RORA: variants seen among roughly 807,000 people sequenced by gnomAD.
The protein encoded by RORA is nuclear receptor ROR-alpha.
In RORA, 7 loss-of-function variants were observed where a neutral mutation model predicts 69.5. The observed-to-expected ratio is 0.10, with a 90% CI of 0.06 to 0.19. The LOEUF is 0.19. Ranked by LOEUF, RORA falls within the 10% of genes least tolerant of loss-of-function variation. RORA has a pLI of 1.00. For synonymous variants in RORA, 261 were observed against 240.8 expected (o/e 1.08, Z -0.78); for missense variants, 457 against 663.0 (o/e 0.69, Z 3.41).
intron 5 of RORA, among the ~76,000 whole-genome samples, chr15:60,510,790 A>G (rs540822391): frequency 6.6e-6 from 1 of 152,288 alleles, no homozygotes; most frequent in South Asian, 2.1e-4. Context: ...AAATTTAAAT[A>G]TTAGCAACTG....
chr15:60,677,278 C>A, intron 2 of RORA: 1 of 443,382 alleles, frequency 2.3e-6, no homozygotes, highest in Non-Finnish European at 4.6e-6. Context: ...GTCAATCTCT[C>A]AGTCATCATG....
intron 1 of RORA, among the ~76,000 whole-genome samples, chr15:61,187,357 C>T (rs765959891): frequency 2.2e-4 from 33 of 152,198 alleles, no homozygotes; most frequent in Non-Finnish European, 3.5e-4. Flanking sequence ...TGCAGAGTTC[C>T]GGACTATTAA....
intron 1 of RORA, among the ~76,000 whole-genome samples, chr15:60,725,465 T>A (rs902582161): frequency 1.3e-5 from 2 of 152,212 alleles, no homozygotes; most frequent in Non-Finnish European, 2.9e-5. Flanking sequence ...GTGTTTATAT[T>A]TAGGGGGTAG....
chr15:60,514,640 G>C lies in RORA; in HGVS notation c.400C>G (p.Leu134Val). Reference protein sequence around the residue: ...RCQHCRLQKCLAVGMSRDAVK... With the variant: ...RCQHCRLQKCVAVGMSRDAVK... ...CCATCTCGAGACATCCCTACGGCAA[G>C]GCATTTCTGTAATCGACAGTGTTGG... The change falls in exon 4 of 11, where the codon CTT becomes GTT. Residue 134 changes from leucine (L) to valine (V), a missense_variant. By Grantham distance (32) the Leu-to-Val change is conservative (BLOSUM62 1). Around this residue, in one of 3 missense-constraint regions of RORA, gnomAD observed 34 missense variants for 123.2 expected, o/e 0.28. Transcript: ENST00000335670. 1 of 1,614,156 alleles carries C rather than the reference G, an allele frequency of 6.2e-7. No homozygotes were observed. The highest frequency in any genetic ancestry group is 8.5e-7 in the Non-Finnish European group (1 of 1,180,004).
At chr15:60,710,579 C>T (rs999668877) in intron 1 of RORA, among the ~76,000 whole-genome samples, 2 of 152,142 alleles carry the variant, frequency 1.3e-5, no homozygotes, top group Non-Finnish European at 2.9e-5. Flanking sequence ...GATAAGTAAC[C>T]CGTCTAAGAT....
chr15:61,206,239 T>C (rs1008071591), intron 1 of RORA, among the ~76,000 whole-genome samples: 1 of 152,158 alleles, frequency 6.6e-6, no homozygotes, highest in African/African-American at 2.4e-5. Context: ...GAACTGATTA[T>C]TGCAGAAGGA....
chr15:60,955,691 G>T (rs1194075215), intron 1 of RORA, among the ~76,000 whole-genome samples: 1 of 152,214 alleles, frequency 6.6e-6, no homozygotes, highest in African/African-American at 2.4e-5. Flanking sequence ...AAGAAATGGA[G>T]ACTTGGCCCC....
At chr15:60,662,957 C>G (rs2070325723) in intron 2 of RORA, among the ~76,000 whole-genome samples, 2 of 152,152 alleles carry the variant, frequency 1.3e-5, no homozygotes, top group Non-Finnish European at 2.9e-5. Flanking sequence ...GTGGAGCTGC[C>G]TTGCCCAAGG....
At chr15:60,891,600 G>C (rs763098433) in intron 1 of RORA, among the ~76,000 whole-genome samples, 4 of 152,208 alleles carry the variant, frequency 2.6e-5, no homozygotes, top group Non-Finnish European at 5.9e-5. Flanking sequence ...GGCAAGGCAG[G>C]AGCATGAAGG....
intron 2 of RORA, chr15:60,593,029 C>G (rs1389009660): frequency 2.3e-6 from 1 of 443,790 alleles, no homozygotes; most frequent in Non-Finnish European, 4.5e-6. Context: ...TGCCCCAGCT[C>G]TAATCGGAAG....
chr15:60,499,717 A>G (rs1356815879), intron 10 of RORA, among the ~76,000 whole-genome samples, 175 bp downstream of exon 10: 1 of 152,234 alleles, frequency 6.6e-6, no homozygotes, highest in South Asian at 2.1e-4. Flanking sequence ...TAGACTGAAT[A>G]ATGAGCTGTG....
intron 1 of RORA, among the ~76,000 whole-genome samples, chr15:60,723,376 T>C (rs184939124): frequency 1.7e-4 from 24 of 141,646 alleles, no homozygotes; most frequent in African/African-American, 5.5e-4. Flanking sequence ...ATCAAAACCA[T>C]TCCCCCCCCC....
At chr15:61,150,638 T>C (rs1215746993) in intron 1 of RORA, among the ~76,000 whole-genome samples, 1 of 152,232 alleles carries the variant, frequency 6.6e-6, no homozygotes, top group African/African-American at 2.4e-5. Context: ...TTCAAGGTTT[T>C]CGCTGAAATG....
intron 1 of RORA, among the ~76,000 whole-genome samples, chr15:61,228,098 T>G (rs991841726): frequency 6.6e-6 from 1 of 151,354 alleles, no homozygotes; most frequent in African/African-American, 2.4e-5. Context: ...GAGAAAACAT[T>G]GCTTGCACTA....
At chr15:60,757,827 T>C (rs911429228) in intron 1 of RORA, among the ~76,000 whole-genome samples, 47 of 152,148 alleles carry the variant, frequency 3.1e-4, no homozygotes, top group African/African-American at 1.1e-3. Context: ...GGAGTCTGCC[T>C]TTTAACCTCT....
intron 1 of RORA, among the ~76,000 whole-genome samples, chr15:60,763,065 A>ATT (rs374433414): frequency 0.02 from 965 of 48,318 alleles, 87 homozygotes; most frequent in Non-Finnish European, 0.022. Flanking sequence ...ATATGCACAG[A>ATT]TTTTTTTTTT....
intron 1 of RORA, among the ~76,000 whole-genome samples, chr15:61,207,896 T>C (rs760291627): frequency 9.9e-5 from 15 of 152,240 alleles, no homozygotes; most frequent in Non-Finnish European, 1.8e-4. Context: ...ATTAATCACA[T>C]AGCAAGGAAA....
At chr15:61,063,049 C>T (rs942163501) in intron 1 of RORA, among the ~76,000 whole-genome samples, 20 of 152,182 alleles carry the variant, frequency 1.3e-4, no homozygotes, top group African/African-American at 3.6e-4. Context: ...CTCACAGACC[C>T]GGCGTATTCA....
At chr15:61,008,131 T>A (rs1193170807) in intron 1 of RORA, among the ~76,000 whole-genome samples, 1 of 151,372 alleles carries the variant, frequency 6.6e-6, no homozygotes, top group Non-Finnish European at 1.5e-5. Context: ...AAACTTATGA[T>A]AAAAAAAATT....
Sources: gnomAD v4.1 joint callset for allele counts (sites outside exome capture counted in the v4.1 genomes callset) on GRCh38, gnomAD v4.1.1 for gene constraint, gnomAD v4.1.1 regional missense constraint, MANE v1.5 for transcripts, NCBI Gene and HGNC (gene_info 2026-07-23, HGNC 2026-07-21) for gene names.